Variants in DGKB observed in about 807,000 individuals in gnomAD.
DGKB encodes diacylglycerol kinase beta.
Under a neutral mutation model 114.3 loss-of-function variants are expected in DGKB, and 67 were observed. The observed-to-expected ratio is 0.59, with a 90% CI of 0.48 to 0.72. The LOEUF is 0.72. DGKB is among the 30% of genes least tolerant of loss of function. The probability of loss-of-function intolerance (pLI) is 0.00; values close to 1 mark genes in which losing one functional copy is unlikely to be tolerated. For missense variants in DGKB, 907 were observed against 975.2 expected, an observed-to-expected ratio of 0.93 and a Z score of 0.93; for synonymous variants, 398 against 323.1, an observed-to-expected ratio of 1.23 and a Z score of -2.49.
chr7:14,411,270 G>A lies in DGKB; in HGVS notation c.1836-65879C>T, dbSNP rs185709997. Among the ~76,000 whole-genome samples, 244 of 152,292 alleles carry A rather than the reference G, an allele frequency of 1.6e-3. 2 individuals carry two copies. Among genetic ancestry groups the A allele is most frequent in the Middle Eastern group, 6.8e-3 (2 of 294 alleles). On this transcript the variant is annotated intron_variant, in intron 21 of 25. Transcript: ENST00000402815. ...ACCTATAATGTTTGGTCAGTTCGAT[G>A]TATTAAGTGCACTGTTTATTTATTT...
intron 2 of DGKB, among the ~76,000 whole-genome samples, chr7:14,774,800 T>G (rs1408800507): frequency 6.6e-6 from 1 of 152,186 alleles, no homozygotes; most frequent in Non-Finnish European, 1.5e-5. Context: ...ATTCTCTAAT[T>G]TCTTTCCTCC....
At chr7:14,860,871 A>G (rs1159247394) in intron 1 of DGKB, among the ~76,000 whole-genome samples, 1 of 151,940 alleles carries the variant, frequency 6.6e-6, no homozygotes, top group African/African-American at 2.4e-5. Context: ...AGATTTTGTG[A>G]CATTTTCTTA....
At chr7:14,467,492 C>T (rs573651955) in intron 21 of DGKB, among the ~76,000 whole-genome samples, 1 of 151,742 alleles carries the variant, frequency 6.6e-6, no homozygotes, top group African/African-American at 2.4e-5. Flanking sequence ...TTATATAAAA[C>T]ATAACACACA....
intron 1 of DGKB, among the ~76,000 whole-genome samples, chr7:14,870,037 G>C (rs1852225476): frequency 2.0e-5 from 3 of 152,044 alleles, no homozygotes; most frequent in Admixed American, 2.0e-4. Flanking sequence ...TTGAGACCCA[G>C]AGTTGCATCT....
chr7:14,453,374 C>T (rs77530324), intron 21 of DGKB, among the ~76,000 whole-genome samples: 2,306 of 152,218 alleles, frequency 0.015, 115 homozygotes, highest in East Asian at 0.091. Context: ...GCAAAATCGA[C>T]ACAGATAAGG....
intron 21 of DGKB, among the ~76,000 whole-genome samples, chr7:14,473,171 G>GA (rs1042749956): frequency 4.6e-5 from 7 of 152,058 alleles, no homozygotes; most frequent in African/African-American, 1.7e-4. Flanking sequence ...GGCATAAGAG[G>GA]AAAAAATGGT....
rs780667931 is a variant in DGKB at position 14,682,632 on chromosome 7, G to C, written c.956C>G (p.Thr319Ser). ...HHYWVEGNCP[T>S]KCDKCHKTVK... ...AGTTTTGTGGCACTTATCACACTTG[G>C]TTGGGCAGTTACCTTCAACCCAGTA... Residue 319 changes from threonine (T) to serine (S), a missense_variant, in exon 12 of 26, where the codon ACC becomes AGC. Thr to Ser is a moderately conservative substitution (Grantham distance 58). This residue lies in a region of DGKB where 814 missense variants were observed against 856.6 expected (regional missense o/e 0.95). Coordinates refer to ENST00000402815, the MANE Select transcript of DGKB (RefSeq NM_001350709.2). The C allele has an allele frequency of 6.2e-7, 1 of 1,613,558 alleles. No individual in the cohort carries two copies. Among genetic ancestry groups the C allele is most frequent in the East Asian group, 2.2e-5 (1 of 44,866 alleles).
At chr7:14,478,128 A>G (rs770856957) in intron 21 of DGKB, 33 bp downstream of exon 21, 2 of 1,464,294 alleles carry the variant, frequency 1.4e-6, no homozygotes, top group African/African-American at 1.4e-5. Flanking sequence ...TTCAGCAACT[A>G]TATCTATAAT....
chr7:14,661,765 T>C (rs1333507553), intron 13 of DGKB, among the ~76,000 whole-genome samples: 1 of 151,922 alleles, frequency 6.6e-6, no homozygotes, highest in African/African-American at 2.4e-5. Flanking sequence ...CGTATGTTTA[T>C]TGCGGCATTA....
chr7:14,500,673 T>C (rs925041994), intron 20 of DGKB, among the ~76,000 whole-genome samples: 3 of 151,848 alleles, frequency 2.0e-5, no homozygotes, highest in Admixed American at 1.3e-4. Flanking sequence ...CGTGGTGTTT[T>C]AAGCATGGTG....
chr7:14,931,359 C>G (rs1338831750), intron 1 of DGKB, among the ~76,000 whole-genome samples: 2 of 152,198 alleles, frequency 1.3e-5, no homozygotes, highest in African/African-American at 4.8e-5. Context: ...ATCCACCTGC[C>G]TTGGCCTCCC....
chr7:14,613,548 T>TGTGTGTGTGAGTGTGTGC (rs1805963124), intron 15 of DGKB, 135 bp from the exon 16 acceptor site: 1 of 600,848 alleles, frequency 1.7e-6, no homozygotes, highest in Non-Finnish European at 3.0e-6. Flanking sequence ...TGTGTGTGCA[T>TGTGTGTGTGAGTGTGTGC]GTGTGTGTGA....
chr7:14,864,794 C>CAA lies in DGKB; in HGVS notation c.-187-23346_-187-23345dup, dbSNP rs34188189. Among the ~76,000 whole-genome samples, 332 of 141,582 alleles carry CAA rather than the reference C, an allele frequency of 2.3e-3. 2 individuals carry two copies. Among genetic ancestry groups the CAA allele is most frequent in the Non-Finnish European group, 1.7e-3 (113 of 65,974 alleles). 92.9% of individuals were successfully genotyped at this position (141,582 alleles called of 152,430 possible). On this transcript the variant is annotated intron_variant, in intron 1 of 25. Transcript: ENST00000402815. The stretch of plus-strand genomic sequence containing the variant: ...TGGACAAAGGGATAAGAGATGATGA[C>CAA]AAAAAAAAAAAAATATGGGGCTAGA...
At chr7:14,426,195 C>T (rs552898004) in intron 21 of DGKB, among the ~76,000 whole-genome samples, 2 of 152,292 alleles carry the variant, frequency 1.3e-5, no homozygotes, top group Admixed American at 1.3e-4. Flanking sequence ...AGATTACCTA[C>T]AGGCCTGGAA....
intron 15 of DGKB, among the ~76,000 whole-genome samples, chr7:14,620,477 T>A (rs1328486962): frequency 2.6e-5 from 4 of 151,368 alleles, no homozygotes; most frequent in African/African-American, 9.7e-5. Flanking sequence ...AGAAATAAAA[T>A]AAGAAATAAA....
intron 1 of DGKB, among the ~76,000 whole-genome samples, chr7:14,953,142 G>C (rs1786302690): frequency 6.6e-6 from 1 of 152,070 alleles, no homozygotes; most frequent in Admixed American, 6.6e-5. Flanking sequence ...TCTGACATTG[G>C]ATTTGCCAAT....
In DGKB at chr7:14,165,603, T is replaced by A. The variant is rs528244461; in HGVS notation, c.2304+11236A>T. ...TTGTTTCTTGAACTAAAAATTAAGA[T>A]ATAAGCACATAGACTATGGGAAAAA... On this transcript the variant is annotated intron_variant, in intron 25 of 25. Coordinates refer to ENST00000402815, the MANE Select transcript of DGKB (RefSeq NM_001350709.2). 1.8e-4 allele frequency among the ~76,000 whole-genome samples: 28 copies of A among 152,316 alleles called. No homozygotes were observed. In the South Asian group the frequency reaches 5.6e-3, roughly 30 times the overall value.
intron 20 of DGKB, among the ~76,000 whole-genome samples, chr7:14,492,800 A>G (rs1784775901): frequency 6.6e-6 from 1 of 152,140 alleles, no homozygotes; most frequent in Admixed American, 6.6e-5. Flanking sequence ...TTCAATAGCA[A>G]TAACAACTCA....
intron 5 of DGKB, among the ~76,000 whole-genome samples, chr7:14,719,308 T>C (rs78508219): frequency 0.011 from 1,644 of 152,270 alleles, 33 homozygotes; most frequent in African/African-American, 0.038. Context: ...GGTTTTTAAA[T>C]GGTTCTGACT....
Sources: gnomAD v4.1 joint callset for allele counts (sites outside exome capture counted in the v4.1 genomes callset) on GRCh38, gnomAD v4.1.1 for gene constraint, gnomAD v4.1.1 regional missense constraint, MANE v1.5 for transcripts, NCBI Gene and HGNC (gene_info 2026-07-23, HGNC 2026-07-21) for gene names.